The following WWOX variants were observed in gnomAD, a reference collection of about 807,000 sequenced individuals.
The protein encoded by WWOX is WW domain-containing oxidoreductase.
Under a neutral mutation model 46.2 loss-of-function variants are expected in WWOX, and 69 were observed. The observed-to-expected ratio is 1.49, with a 90% CI of 1.23 to 1.82. WWOX has a LOEUF of 1.82. WWOX is among the 40% of genes most tolerant of loss of function. The pLI is 0.00. For missense variants in WWOX, 919 were observed against 542.6 expected (o/e 1.69, Z -6.89); for synonymous variants, 359 against 202.6 (o/e 1.77, Z -6.56).
In WWOX at chr16:78,390,293, C is replaced by T. The variant is rs146815449; in HGVS notation, c.605+3345C>T. On this transcript the variant is annotated intron_variant, in intron 6 of 8. Coordinates refer to ENST00000566780, the MANE Select transcript of WWOX (RefSeq NM_016373.4). ...TGTTACATAATAGGATCATCTTCCA[C>T]GTCTTAACTGGACCATTAGTTTTTA... Among the ~76,000 whole-genome samples the T allele has an allele frequency of 3.3e-3, 499 of 152,364 alleles. 1 individual carries two copies. Among genetic ancestry groups the T allele is most frequent in the Middle Eastern group, 0.02 (6 of 294 alleles).
intron 8 of WWOX, among the ~76,000 whole-genome samples, chr16:78,980,534 A>C (rs1397901525): frequency 6.6e-6 from 1 of 152,174 alleles, no homozygotes; most frequent in African/African-American, 2.4e-5. Flanking sequence ...AAATACTAAT[A>C]GTTTATTTAT....
chr16:78,935,809 G>A (rs112096766), intron 8 of WWOX, among the ~76,000 whole-genome samples: 1 of 152,076 alleles, frequency 6.6e-6, no homozygotes, highest in South Asian at 2.1e-4. Flanking sequence ...CTACTTGGGA[G>A]GCTGAAGTGG....
chr16:78,384,480 G>A (rs1354854408), intron 5 of WWOX, among the ~76,000 whole-genome samples: 1 of 151,968 alleles, frequency 6.6e-6, no homozygotes, highest in Non-Finnish European at 1.5e-5. Flanking sequence ...AGCTTATGAG[G>A]GTTCTGCTCC....
chr16:78,838,244 C>A (rs528440425), intron 8 of WWOX, among the ~76,000 whole-genome samples: 4 of 151,974 alleles, frequency 2.6e-5, no homozygotes, highest in Non-Finnish European at 5.9e-5. Flanking sequence ...CTTGGTCATT[C>A]CCAGGAAGCA....
At chr16:78,617,067 T>C (rs1285412683) in intron 8 of WWOX, among the ~76,000 whole-genome samples, 1 of 152,078 alleles carries the variant, frequency 6.6e-6, no homozygotes, top group Non-Finnish European at 1.5e-5. Flanking sequence ...GCCAGAAAAA[T>C]AGCTTGGACA....
intron 8 of WWOX, chr16:79,204,972 C>G (rs1441456217): frequency 2.0e-5 from 3 of 152,192 alleles, no homozygotes; most frequent in Non-Finnish European, 4.4e-5. Flanking sequence ...GCAAGAAACT[C>G]ATGTCTTTTG....
At chr16:78,886,117 G>T (rs1240581564) in intron 8 of WWOX, among the ~76,000 whole-genome samples, 1 of 151,648 alleles carries the variant, frequency 6.6e-6, no homozygotes, top group Non-Finnish European at 1.5e-5. Context: ...TAGAGACGGG[G>T]TGTCACCATG....
intron 8 of WWOX, among the ~76,000 whole-genome samples, chr16:78,748,152 G>A (rs971248738): frequency 2.6e-5 from 4 of 152,044 alleles, no homozygotes; most frequent in South Asian, 2.1e-4. Flanking sequence ...ATTGCACCCC[G>A]TGTCATTGCC....
intron 8 of WWOX, among the ~76,000 whole-genome samples, chr16:78,971,982 C>G (rs1403620529): frequency 6.6e-6 from 1 of 152,116 alleles, no homozygotes; most frequent in African/African-American, 2.4e-5. Context: ...CTTCCCAGGC[C>G]GAGGTAGGAG....
chr16:78,147,275 T>A (rs2151715476), intron 4 of WWOX, among the ~76,000 whole-genome samples: 1 of 152,302 alleles, frequency 6.6e-6, no homozygotes. Flanking sequence ...TGCCTCTTTT[T>A]TGTATGTTTG....
rs1234617048 is a variant in WWOX at position 78,771,812 on chromosome 16, T to TAAAG, written c.1056+339062_1056+339063insAGAA. Among the ~76,000 whole-genome samples the TAAAG allele has an allele frequency of 2.5e-3, 346 of 135,850 alleles. 4 individuals carry two copies. Among genetic ancestry groups the TAAAG allele is most frequent in the Non-Finnish European group, 4.0e-3 (247 of 61,518 alleles). The allele number at this position is 135,850 out of a possible 152,430, so 89.1% of individuals were successfully genotyped here. A position where few individuals can be genotyped will look rare whatever the true frequency, so the allele number is the denominator to read the frequency against. ...ATAAATAAATAAATAAATAAATAAATAAGAGTTGGATCACAGCAAAGGTGA... is the reference window on the plus strand; with the variant it reads ...ATAAATAAATAAATAAATAAATAAATAAAGAAGAGTTGGATCACAGCAAAGGTGA... On this transcript the variant is annotated intron_variant, in intron 8 of 8. Coordinates refer to ENST00000566780, the MANE Select transcript of WWOX (RefSeq NM_016373.4).
chr16:79,019,873 T>G (rs1174368959), intron 8 of WWOX, among the ~76,000 whole-genome samples: 1 of 152,160 alleles, frequency 6.6e-6, no homozygotes, highest in African/African-American at 2.4e-5. Context: ...AAGCAACCCC[T>G]CGGATCCTCA....
At chr16:78,692,585 T>C (rs953472510) in intron 8 of WWOX, among the ~76,000 whole-genome samples, 2 of 152,208 alleles carry the variant, frequency 1.3e-5, no homozygotes, top group African/African-American at 4.8e-5. Flanking sequence ...TCTCTGACTG[T>C]AAGGGCCATA....
At chr16:79,098,219 G>A (rs922196371) in intron 8 of WWOX, among the ~76,000 whole-genome samples, 1 of 151,746 alleles carries the variant, frequency 6.6e-6, no homozygotes, top group African/African-American at 2.4e-5. Context: ...TCATTTGATT[G>A]CAGATTGAAT....
chr16:79,072,107 A>G (rs563059207), intron 8 of WWOX, among the ~76,000 whole-genome samples: 8 of 151,844 alleles, frequency 5.3e-5, no homozygotes, highest in Non-Finnish European at 1.0e-4. Context: ...AAACAGTGAG[A>G]CTCCATCTCT....
At chr16:78,975,891 TCAG>T (rs1167451466) in intron 8 of WWOX, among the ~76,000 whole-genome samples, 2 of 152,170 alleles carry the variant, frequency 1.3e-5, no homozygotes, top group Admixed American at 6.5e-5. Context: ...TCCAGCTTTC[TCAG>T]CAGCCACATG....
chr16:79,014,442 C>G (rs1413864752), intron 8 of WWOX, among the ~76,000 whole-genome samples: 4 of 152,154 alleles, frequency 2.6e-5, no homozygotes, highest in South Asian at 4.2e-4. Context: ...TGGATCGTCC[C>G]TCAATTTTCC....
At chr16:79,057,586 G>A (rs115142037) in intron 8 of WWOX, among the ~76,000 whole-genome samples, 10,137 of 44,810 alleles carry the variant, frequency 0.23, 651 homozygotes, top group African/African-American at 0.43. Flanking sequence ...GGTGATTTTG[G>A]GGGGGGCACC....
At chr16:78,325,884 G>A (rs953350936) in intron 5 of WWOX, among the ~76,000 whole-genome samples, 2 of 152,256 alleles carry the variant, frequency 1.3e-5, no homozygotes, top group Non-Finnish European at 2.9e-5. Context: ...ATGATTTTAA[G>A]AGTTAATCAA....
Sources: gnomAD v4.1 joint callset for allele counts (sites outside exome capture counted in the v4.1 genomes callset) on GRCh38, gnomAD v4.1.1 for gene constraint, MANE v1.5 for transcripts, NCBI Gene and HGNC (gene_info 2026-07-23, HGNC 2026-07-21) for gene names.